DDX39A: variants seen among roughly 807,000 people sequenced by gnomAD.
DDX39A encodes DExD-box helicase 39A.
A neutral mutation model predicts 46.3 loss-of-function variants in DDX39A; 13 were observed. That is an observed-to-expected ratio of 0.28 (90% CI 0.18 to 0.45). The LOEUF is 0.45. Ranked by LOEUF, DDX39A falls within the 20% of genes least tolerant of loss-of-function variation. DDX39A has a pLI of 1.00. For missense variants in DDX39A, 352 were observed against 581.8 expected (o/e 0.61, Z 4.06); for synonymous variants, 234 against 224.6 (o/e 1.04, Z -0.38).
Position 14,410,326 on chromosome 19 carries a change from G to C in DDX39A, c.622C>G (p.Arg208Gly). The change falls in exon 6 of 11, where the codon CGG becomes GGG. Residue 208 changes from arginine (R) to glycine (G), a missense_variant. This residue lies in a region of DDX39A where 301 missense variants were observed against 469.9 expected (regional missense o/e 0.64). Coordinates refer to ENST00000242776, the MANE Select transcript of DDX39A (RefSeq NM_005804.4). This position sits in a 1 kb window ranked among gnomAD's most constrained non-coding sequence, Gnocchi z 4.3. ...AGGCGGAAGATCTCCTGCACATCCC[G>C]CCGCATGTCTAGGTGGGGAGGGCAA... ...DKMLEQLDMR[R>G]DVQEIFRLTP... The C allele has an allele frequency of 6.2e-7, 1 of 1,613,866 alleles. No individual in the cohort carries two copies. The highest frequency in any genetic ancestry group is 8.5e-7 in the Non-Finnish European group (1 of 1,179,800).
intron 1 of DDX39A, among the ~76,000 whole-genome samples, chr19:14,417,131 A>C (rs1241976749): frequency 2.0e-5 from 3 of 152,188 alleles, no homozygotes; most frequent in South Asian, 4.1e-4. Context: ...ACCAGTCACC[A>C]AATAAAAGAG....
In DDX39A at chr19:14,413,273, T is replaced by C. The variant is rs570050995; in HGVS notation, c.-4-49A>G. ...CCCGCGAGTGGGCACAGAAGGATGATGAAGCTTCATTCAAATGGCATTCTC... is the reference window on the plus strand; with the variant it reads ...CCCGCGAGTGGGCACAGAAGGATGACGAAGCTTCATTCAAATGGCATTCTC... On this transcript the variant is annotated intron_variant, in intron 1 of 10. Transcript: ENST00000242776. 20 of 1,528,234 alleles carry C rather than the reference T, an allele frequency of 1.3e-5. No individual in the cohort carries two copies. In the African/African-American group the frequency reaches 2.7e-4, roughly 21 times the overall value. 94.7% of individuals were successfully genotyped at this position (1,528,234 alleles called of 1,614,324 possible). A position where few individuals can be genotyped will look rare whatever the true frequency, so the allele number is the denominator to read the frequency against.
intron 1 of DDX39A, among the ~76,000 whole-genome samples, chr19:14,415,423 C>T (rs1976770854): frequency 1.3e-5 from 2 of 152,040 alleles, no homozygotes; most frequent in South Asian, 4.1e-4. Flanking sequence ...CCCACCTCAG[C>T]CTCCCTAGTA....
rs892068936 is a variant in DDX39A, at chr19:14,412,894, G to A, written c.208+119C>T. The A allele has an allele frequency of 3.9e-5, 51 of 1,315,436 alleles. No individual in the cohort carries two copies. Among genetic ancestry groups the A allele is most frequent in the Admixed American group, 1.6e-4 (7 of 44,384 alleles). 81.5% of individuals were successfully genotyped at this position (1,315,436 alleles called of 1,614,324 possible). A position where few individuals can be genotyped will look rare whatever the true frequency, so the allele number is the denominator to read the frequency against. ...GCCCCGCTGGGCACAACTGATCCGCGGGACAGACGGGCCCCTCCCTCACCC... is the reference window on the plus strand; with the variant it reads ...GCCCCGCTGGGCACAACTGATCCGCAGGACAGACGGGCCCCTCCCTCACCC... On this transcript the variant is annotated intron_variant, in intron 2 of 10. Coordinates refer to ENST00000242776, the MANE Select transcript of DDX39A (RefSeq NM_005804.4). The surrounding 1 kb of genome is among the most constrained non-coding windows in gnomAD (Gnocchi z 4.4).
At position 14,409,928 on chromosome 19, in the gene DDX39A, C is replaced by G; in HGVS notation, c.733-55G>C. Reference sequence around the variant, plus strand: ...GCAGGGATCACCTCTGGGCATCTCGCCTGCCCAGAACCTTCCAGTGGGCGA... The same window carrying G: ...GCAGGGATCACCTCTGGGCATCTCGGCTGCCCAGAACCTTCCAGTGGGCGA... On this transcript the variant is annotated intron_variant, in intron 6 of 10. Transcript: ENST00000242776. The surrounding 1 kb of genome is among the most constrained non-coding windows in gnomAD (Gnocchi z 8.3). 6.2e-7 allele frequency: 1 copy of G among 1,606,168 alleles called. No homozygotes were observed. Among genetic ancestry groups the G allele is most frequent in the Non-Finnish European group, 8.5e-7 (1 of 1,177,170 alleles).
At chr19:14,416,940 C>A (rs1320331777) in intron 1 of DDX39A, among the ~76,000 whole-genome samples, 3 of 152,126 alleles carry the variant, frequency 2.0e-5, no homozygotes, top group Non-Finnish European at 4.4e-5. Flanking sequence ...GCCTCTGCCT[C>A]CCAAAGTGCT....
In DDX39A at chr19:14,411,712, T is replaced by G; in HGVS notation, c.337-114A>C. The G allele has an allele frequency of 2.2e-6, 2 of 902,732 alleles. No homozygotes were observed. Among genetic ancestry groups the G allele is most frequent in the South Asian group, 1.5e-5 (1 of 67,662 alleles). The allele number at this position is 902,732 out of a possible 1,614,324, so 55.9% of individuals were successfully genotyped here. On this transcript the variant is annotated intron_variant, in intron 3 of 10. Transcript: ENST00000242776. This position sits in a 1 kb window ranked among gnomAD's most constrained non-coding sequence, Gnocchi z 4.1. ...CACTGCACCCAACATCACAGGCCAT[T>G]TGAAGGCCCGGTCCAAATGCCTCCC...
In DDX39A at chr19:14,411,167, A is replaced by G. The variant is rs1488975592; in HGVS notation, c.435T>C (p.Ser145=). 2.5e-6 allele frequency: 4 copies of G among 1,581,718 alleles called. No homozygotes were observed. Among genetic ancestry groups the G allele is most frequent in the Non-Finnish European group, 2.6e-6 (3 of 1,165,310 alleles). Residue 145 remains serine (S), a synonymous_variant, in exon 5 of 11, where the codon TCT becomes TCC. Transcript: ENST00000242776. The surrounding 1 kb of genome is among the most constrained non-coding windows in gnomAD (Gnocchi z 4.1). The stretch of plus-strand genomic sequence containing the variant: ...TGATGGAGAGACCACCGAAGAACAC[A>G]GACACCTATGGGGATGAGGAGGAAA... ...FSKYMPSVKV[S]VFFGGLSIKK...
At position 14,410,889 on chromosome 19, in the gene DDX39A, C is replaced by T. The variant is rs1298349092; in HGVS notation, c.613+100G>A. 1 of 1,147,314 alleles carries T rather than the reference C, an allele frequency of 8.7e-7. No homozygotes were observed. The allele number at this position is 1,147,314 out of a possible 1,614,324, so 71.1% of individuals were successfully genotyped here. A position where few individuals can be genotyped will look rare whatever the true frequency, so the allele number is the denominator to read the frequency against. On this transcript the variant is annotated intron_variant, in intron 5 of 10. Coordinates refer to ENST00000242776, the MANE Select transcript of DDX39A (RefSeq NM_005804.4). The surrounding 1 kb of genome is among the most constrained non-coding windows in gnomAD (Gnocchi z 4.3). ...CCCAAGATCACCACAGGAGCCCCGC[C>T]TGCCGGCCGCCCATGTAACCCACTC...
chr19:14,414,845 A>T (rs911047289), intron 1 of DDX39A, among the ~76,000 whole-genome samples: 1 of 150,812 alleles, frequency 6.6e-6, no homozygotes, highest in Non-Finnish European at 1.5e-5. Context: ...GGCGCCTATA[A>T]TCCCAGCTAC....
chr19:14,413,453 C>T (rs1182942004), intron 1 of DDX39A, among the ~76,000 whole-genome samples: 2 of 151,728 alleles, frequency 1.3e-5, no homozygotes, highest in African/African-American at 4.8e-5. Context: ...CCTCCAAGGG[C>T]TTCCCATGGC....
intron 1 of DDX39A, 142 bp downstream of exon 1, chr19:14,419,128 T>G: frequency 2.7e-6 from 1 of 372,904 alleles, no homozygotes; most frequent in Admixed American, 3.6e-5. Context: ...CACACAGCGC[T>G]CTGACACACC....
intron 1 of DDX39A, among the ~76,000 whole-genome samples, chr19:14,416,828 G>A (rs1056354929): frequency 4.6e-5 from 7 of 152,306 alleles, no homozygotes; most frequent in Admixed American, 3.9e-4. Context: ...TGGGACTACA[G>A]GTGCATGCCA....
At chr19:14,413,955 T>C (rs1282207118) in intron 1 of DDX39A, 1 of 152,134 alleles carries the variant, frequency 6.6e-6, no homozygotes, top group Non-Finnish European at 1.5e-5. Context: ...AGATGGAAAA[T>C]GGAATTAATA....
At chr19:14,414,188 G>A (rs575520374) in intron 1 of DDX39A, among the ~76,000 whole-genome samples, 1 of 152,072 alleles carries the variant, frequency 6.6e-6, no homozygotes, top group South Asian at 2.1e-4. Context: ...TCCCGGCTCA[G>A]AAACAGCAAT....
chr19:14,410,002 A>C lies in DDX39A; in HGVS notation c.733-129T>G. On this transcript the variant is annotated intron_variant, in intron 6 of 10. Transcript: ENST00000242776. This position sits in a 1 kb window ranked among gnomAD's most constrained non-coding sequence, Gnocchi z 4.3. Reference sequence around the variant, plus strand: ...AGGACCTGCTGCACCAGACCTCAGTAAACATCGCTCAAAAGCTGGATGTAA... The same window carrying C: ...AGGACCTGCTGCACCAGACCTCAGTCAACATCGCTCAAAAGCTGGATGTAA... 7.9e-7 allele frequency: 1 copy of C among 1,267,576 alleles called. No individual in the cohort carries two copies. The highest frequency in any genetic ancestry group is 1.1e-6 in the Non-Finnish European group (1 of 877,906). 78.5% of individuals were successfully genotyped at this position (1,267,576 alleles called of 1,614,324 possible).
chr19:14,411,048 C>T lies in DDX39A; in HGVS notation c.554G>A (p.Ser185Asn), dbSNP rs375284806. The T allele has an allele frequency of 4.5e-5, 72 of 1,611,892 alleles. No homozygotes were observed. The highest frequency in any genetic ancestry group is 5.8e-5 in the Non-Finnish European group (68 of 1,179,048). The change falls in exon 5 of 11, where the codon AGC becomes AAC. Residue 185 changes from serine to asparagine, a missense_variant. Around this residue, in one of 3 missense-constraint regions of DDX39A, gnomAD observed 301 missense variants for 469.9 expected, o/e 0.64. Coordinates refer to ENST00000242776, the MANE Select transcript of DDX39A (RefSeq NM_005804.4). The surrounding 1 kb of genome is among the most constrained non-coding windows in gnomAD (Gnocchi z 4.1). ...CACAAAGTGCTTCACATTCTTTAGGCTGAAGCTCCTATTCCGCACGAGCGC... is the reference window on the plus strand; with the variant it reads ...CACAAAGTGCTTCACATTCTTTAGGTTGAAGCTCCTATTCCGCACGAGCGC... Reference protein sequence around the residue: ...ILALVRNRSFSLKNVKHFVLD... With the variant: ...ILALVRNRSFNLKNVKHFVLD...
At chr19:14,415,182 A>T (rs986103960) in intron 1 of DDX39A, among the ~76,000 whole-genome samples, 11 of 151,980 alleles carry the variant, frequency 7.2e-5, no homozygotes, top group Non-Finnish European at 1.3e-4. Flanking sequence ...GTTTCTATGG[A>T]TTTGCCTGTT....
rs1183137664 is a variant in DDX39A, at chr19:14,410,098, C to G, written c.732+118G>C. On this transcript the variant is annotated intron_variant, in intron 6 of 10. Transcript: ENST00000242776. The surrounding 1 kb of genome is among the most constrained non-coding windows in gnomAD (Gnocchi z 4.3). ...ACAAGACCGAGGGGAGGAAAGGAGGCTCCGCCGGCTCCCAGCATCCCAGCA... is the reference window on the plus strand; with the variant it reads ...ACAAGACCGAGGGGAGGAAAGGAGGGTCCGCCGGCTCCCAGCATCCCAGCA... The G allele has an allele frequency of 5.0e-5, 55 of 1,103,178 alleles. No individual in the cohort carries two copies. Among genetic ancestry groups the G allele is most frequent in the Non-Finnish European group, 7.4e-5 (54 of 730,990 alleles). The allele number at this position is 1,103,178 out of a possible 1,614,324, so 68.3% of individuals were successfully genotyped here. A position where few individuals can be genotyped will look rare whatever the true frequency, so the allele number is the denominator to read the frequency against.
Sources: allele counts gnomAD v4.1 joint callset (sites outside exome capture counted in the v4.1 genomes callset), GRCh38; gene constraint gnomAD v4.1.1; regional missense constraint gnomAD v4.1.1; non-coding constraint Gnocchi (gnomAD v3.1); transcripts MANE v1.5; gene names NCBI Gene and HGNC (gene_info 2026-07-23, HGNC 2026-07-21).